ANO4: variants seen among roughly 807,000 people sequenced by gnomAD.
ANO4 encodes anoctamin 4, also known as anoctamin-4.
A neutral mutation model predicts 141.9 loss-of-function variants in ANO4; 69 were observed. The ratio of observed to expected loss-of-function variants is 0.49; its 90% CI spans 0.40 to 0.59. The LOEUF is 0.59. Ranked by LOEUF, ANO4 falls within the 20% of genes least tolerant of loss-of-function variation. The pLI is 0.00. For synonymous variants in ANO4, 350 were observed against 394.3 expected (o/e 0.89, Z 1.33); for missense variants, 894 against 1,162.2 (o/e 0.77, Z 3.36).
At chr12:100,777,813 A>C (rs1208502888) in intron 3 of ANO4, among the ~76,000 whole-genome samples, 1 of 152,152 alleles carries the variant, frequency 6.6e-6, no homozygotes, top group African/African-American at 2.4e-5. Flanking sequence ...TGCTGTCTTA[A>C]TATTCACTTT....
chr12:100,861,315 A>G (rs1393075983), intron 1 of ANO4, among the ~76,000 whole-genome samples: 1 of 152,196 alleles, frequency 6.6e-6, no homozygotes, highest in East Asian at 1.9e-4. Context: ...TAGATGGTAT[A>G]GCCTACTATG....
chr12:100,847,815 G>A (rs941845667), intron 1 of ANO4, among the ~76,000 whole-genome samples: 2 of 152,160 alleles, frequency 1.3e-5, no homozygotes, highest in African/African-American at 4.8e-5. Flanking sequence ...TTACTGTGGT[G>A]CATTAAAGCA....
chr12:100,784,200 T>G (rs189096570), intron 3 of ANO4, among the ~76,000 whole-genome samples: 2 of 152,278 alleles, frequency 1.3e-5, no homozygotes, highest in Admixed American at 1.3e-4. Flanking sequence ...TCTCTTACCT[T>G]CTGGCCATAA....
At chr12:100,846,100 T>C (rs143394988) in intron 1 of ANO4, among the ~76,000 whole-genome samples, 3 of 152,238 alleles carry the variant, frequency 2.0e-5, no homozygotes, top group Non-Finnish European at 4.4e-5. Flanking sequence ...CTTGTAGTTA[T>C]GAGGCATATA....
intron 5 of ANO4, among the ~76,000 whole-genome samples, chr12:100,954,272 A>G (rs2043089728): frequency 6.6e-6 from 1 of 152,144 alleles, no homozygotes. Context: ...AAGGTCAGGG[A>G]ATCCACCTCC....
chr12:101,104,468 A>G (rs2050328054), intron 22 of ANO4, among the ~76,000 whole-genome samples: 1 of 151,082 alleles, frequency 6.6e-6, no homozygotes, highest in Non-Finnish European at 1.5e-5. Flanking sequence ...TGCATTTTGA[A>G]GGAATGCATT....
At chr12:100,982,225 A>G (rs551293866) in intron 7 of ANO4, among the ~76,000 whole-genome samples, 118 of 152,312 alleles carry the variant, frequency 7.7e-4, no homozygotes, top group African/African-American at 2.3e-3. Context: ...TGCTCAGTAA[A>G]TAGCAAAAAT....
At chr12:100,797,679 A>C (rs549494683) in intron 1 of ANO4, among the ~76,000 whole-genome samples, 4 of 152,078 alleles carry the variant, frequency 2.6e-5, no homozygotes, top group Admixed American at 2.6e-4. Flanking sequence ...AATTACAACT[A>C]TCATCAAAAC....
intron 8 of ANO4, among the ~76,000 whole-genome samples, chr12:100,996,486 A>G (rs947257914): frequency 6.6e-6 from 1 of 152,114 alleles, no homozygotes; most frequent in African/African-American, 2.4e-5. Flanking sequence ...GGAGTTTGAG[A>G]CCAGCCTGCC....
At position 100,958,139 on chromosome 12, in the gene ANO4, C is replaced by T. The variant is rs931529073; in HGVS notation, c.457-13167C>T. 3.9e-5 allele frequency among the ~76,000 whole-genome samples: 6 copies of T among 152,338 alleles called. No individual in the cohort carries two copies. In the East Asian group the frequency reaches 5.8e-4, roughly 15 times the overall value. On this transcript the variant is annotated intron_variant, in intron 5 of 27. Transcript: ENST00000392977. ...CCTTTGACTTATTTGCCGGGCAAAG[C>T]CCCGACCATGGTTAAACTGCATCTT...
In ANO4 at chr12:100,748,740, C is replaced by CT. The variant is rs527839987; in HGVS notation, c.358+8644dup. On this transcript the variant is annotated intron_variant, in intron 3 of 29. Coordinates refer to the ANO4 transcript ENST00000644049. Reference sequence around the variant, plus strand: ...CTATTATTACATTTGTTCACCATTTCTTTTTTTTTCTACTTTTTCTCTTGC... The same window carrying CT: ...CTATTATTACATTTGTTCACCATTTCTTTTTTTTTTCTACTTTTTCTCTTGC... Among the ~76,000 whole-genome samples the CT allele has an allele frequency of 2.3e-3, 345 of 151,340 alleles. 1 individual carries two copies. The highest frequency in any genetic ancestry group is 7.9e-3 in the African/African-American group (324 of 41,260).
intron 1 of ANO4, among the ~76,000 whole-genome samples, chr12:100,862,252 A>C (rs77564220): frequency 6.6e-6 from 1 of 152,122 alleles, no homozygotes; most frequent in Non-Finnish European, 1.5e-5. Flanking sequence ...AAATAGAAGG[A>C]GTATACTCTA....
intron 3 of ANO4, among the ~76,000 whole-genome samples, chr12:100,924,874 T>G (rs1444814227): frequency 4.6e-5 from 7 of 152,126 alleles, no homozygotes; most frequent in Non-Finnish European, 5.9e-5. Flanking sequence ...ATTTTTATAG[T>G]AATTTTTATT....
chr12:100,761,998 A>G (rs554191445), intron 3 of ANO4, among the ~76,000 whole-genome samples: 3 of 152,036 alleles, frequency 2.0e-5, no homozygotes, highest in African/African-American at 4.8e-5. Context: ...CCTCCAGTGT[A>G]CTTGCCTCTC....
intron 3 of ANO4, among the ~76,000 whole-genome samples, chr12:100,744,188 C>A (rs2135479281): frequency 6.6e-6 from 1 of 152,266 alleles, no homozygotes; most frequent in East Asian, 1.9e-4. Flanking sequence ...CTTATATATC[C>A]CGAATGGAAC....
chr12:101,052,644 G>A, intron 14 of ANO4, among the ~76,000 whole-genome samples: 1 of 152,098 alleles, frequency 6.6e-6, no homozygotes, highest in East Asian at 1.9e-4. Flanking sequence ...AATGAAGTAT[G>A]TCTCATTTAA....
chr12:101,119,710 A>T (rs1280466273), intron 25 of ANO4, among the ~76,000 whole-genome samples: 1 of 152,214 alleles, frequency 6.6e-6, no homozygotes, highest in African/African-American at 2.4e-5. Context: ...ATGCATATAC[A>T]TATAAGTTAA....
intron 2 of ANO4, chr12:100,739,810 T>C (rs1428879120): frequency 1.4e-6 from 1 of 697,812 alleles, no homozygotes; most frequent in African/African-American, 1.8e-5. Flanking sequence ...GCACACTATA[T>C]GGCTTTGATT....
intron 1 of ANO4, among the ~76,000 whole-genome samples, chr12:100,864,085 T>C (rs1048503092): frequency 6.6e-6 from 1 of 152,186 alleles, no homozygotes; most frequent in African/African-American, 2.4e-5. Flanking sequence ...GCAAGATGAC[T>C]GACAGTGACT....
Sources: allele counts gnomAD v4.1 joint callset (sites outside exome capture counted in the v4.1 genomes callset), GRCh38; gene constraint gnomAD v4.1.1; transcripts MANE v1.5; gene names NCBI Gene and HGNC (gene_info 2026-07-23, HGNC 2026-07-21).